HIC1: variants seen among roughly 807,000 people sequenced by gnomAD.
HIC1 encodes HIC ZBTB transcriptional repressor 1.
A neutral mutation model predicts 26.4 loss-of-function variants in HIC1; 9 were observed. That is an observed-to-expected ratio of 0.34 (90% CI 0.21 to 0.59). The LOEUF (loss-of-function observed/expected upper bound fraction) is 0.59. HIC1 is among the 20% of genes least tolerant of loss of function. The probability of loss-of-function intolerance (pLI) is 0.82; values close to 1 mark genes in which losing one functional copy is unlikely to be tolerated. For missense variants in HIC1, 965 were observed against 1,075.7 expected (o/e 0.90, Z 1.44); for synonymous variants, 631 against 523.1 (o/e 1.21, Z -2.81).
At position 2,058,956 on chromosome 17, in the gene HIC1, C is replaced by A; in HGVS notation, c.*121C>A. 1.1e-6 allele frequency: 1 copy of A among 905,212 alleles called. No homozygotes were observed. The highest frequency in any genetic ancestry group is 1.5e-6 in the Non-Finnish European group (1 of 645,240). 56.1% of individuals were successfully genotyped at this position (905,212 alleles called of 1,614,324 possible). On this transcript the variant is annotated 3_prime_UTR_variant, in exon 2 of 2. Transcript: ENST00000619757. ...GACAACCGCAGCGTCGCCACAGTGG[C>A]GGCTCCACCTCTCGGCGGCCTCACC...
rs757352188 is a variant in HIC1, at chr17:2,057,281, C to A, written c.591C>A (p.Ala197=). The A allele has an allele frequency of 1.4e-6, 2 of 1,481,006 alleles. No homozygotes were observed. The highest frequency in any genetic ancestry group is 2.9e-5 in the East Asian group (1 of 34,196). The allele number at this position is 1,481,006 out of a possible 1,614,324, so 91.7% of individuals were successfully genotyped here. ...AGGCCGCGGTCAACACGCACTGCGC[C>A]GAGCTGTACGCGTCGGGACCCGGCC... ...GPEAAVNTHC[A]ELYASGPGPA... is the part of the protein sequence containing the mutation. The change falls in exon 2 of 2, where the codon GCC becomes GCA. Residue 197 remains alanine (A), a synonymous_variant. Transcript: ENST00000619757.
chr17:2,058,093 G>A lies in HIC1; in HGVS notation c.1403G>A (p.Gly468Glu), dbSNP rs2151369693. Residue 468 changes from glycine (G) to glutamate (E), a missense_variant, in exon 2 of 2, where the codon GGA (glycine) becomes GAA (glutamate). By Grantham distance (98) the Gly-to-Glu change is moderately conservative. Transcript: ENST00000619757. ...GCCGCCGGCCTAGGGCCCCCTTTTG[G>A]AGGCGGCGGGGACAAGGTCGCCGGG... is the stretch of plus-strand genomic sequence containing the variant. Reference protein sequence around the residue: ...AGAAGLGPPFGGGGDKVAGAP... With the variant: ...AGAAGLGPPFEGGGDKVAGAP... 1 of 1,590,996 alleles carries A rather than the reference G, an allele frequency of 6.3e-7. No homozygotes were observed. The highest frequency in any genetic ancestry group is 8.5e-7 in the Non-Finnish European group (1 of 1,171,838).
chr17:2,056,630 G>T (rs1327386679), intron 1 of HIC1, 41 bp from the exon 2 acceptor site: 3 of 1,480,162 alleles, frequency 2.0e-6, no homozygotes, highest in East Asian at 2.5e-5. Flanking sequence ...GGCGGCCAGG[G>T]CGCCGCACGG....
Position 2,059,079 on chromosome 17 carries a change from T to G in HIC1, c.*244T>G. ...GAAATTTATATTTTTGATATCAGCT[T>G]TGACCAAAGGAGACCCCAGGCCCCT... On this transcript the variant is annotated 3_prime_UTR_variant, in exon 2 of 2. Coordinates refer to ENST00000619757, the MANE Select transcript of HIC1 (RefSeq NM_006497.4). 2.2e-6 allele frequency: 1 copy of G among 452,036 alleles called. No homozygotes were observed. Among genetic ancestry groups the G allele is most frequent in the Non-Finnish European group, 4.0e-6 (1 of 250,758 alleles). The allele number at this position is 452,036 out of a possible 1,614,324, so 28.0% of individuals were successfully genotyped here. A position where few individuals can be genotyped will look rare whatever the true frequency, so the allele number is the denominator to read the frequency against.
Position 2,061,351 on chromosome 17 carries a change from C to T in HIC1, c.*2516C>T. 3 of 826,346 alleles carry T rather than the reference C, an allele frequency of 3.6e-6. No individual in the cohort carries two copies. The highest frequency in any genetic ancestry group is 5.6e-6 in the Non-Finnish European group (3 of 538,032). The allele number at this position is 826,346 out of a possible 1,614,324, so 51.2% of individuals were successfully genotyped here. A position where few individuals can be genotyped will look rare whatever the true frequency, so the allele number is the denominator to read the frequency against. ...GAGGAGCAGGTCCCCCACAGCATGG[C>T]CGTGGCGTGGGTTGGAAGAGGATGG... On this transcript the variant is annotated 3_prime_UTR_variant, in exon 2 of 2. Transcript: ENST00000619757.
rs1277944622 is a variant in HIC1, at chr17:2,062,540, T to C, written c.*3705T>C. The C allele has an allele frequency of 6.6e-6, 1 of 151,970 alleles. No individual in the cohort carries two copies. Among genetic ancestry groups the C allele is most frequent in the Non-Finnish European group, 1.5e-5 (1 of 67,998 alleles). 9.4% of individuals were successfully genotyped at this position (151,970 alleles called of 1,614,324 possible). A position where few individuals can be genotyped will look rare whatever the true frequency, so the allele number is the denominator to read the frequency against. On this transcript the variant is annotated 3_prime_UTR_variant, in exon 2 of 2. Transcript: ENST00000619757. ...AAGCACAGTCTCTCCACTACCTCTC[T>C]TTCCCTAACTCCCTAATCTTTAACA...
At chr17:2,056,637 A>C in intron 1 of HIC1, 34 bp from the exon 2 acceptor site, 1 of 1,490,158 alleles carries the variant, frequency 6.7e-7, no homozygotes, top group Non-Finnish European at 8.9e-7. Context: ...AGGGCGCCGC[A>C]CGGCTCTCAC....
In HIC1 at chr17:2,055,265, G is replaced by A. The variant is rs891122703; in HGVS notation, c.-21+27G>A. 1 of 152,158 alleles carries A rather than the reference G, an allele frequency of 6.6e-6. No individual in the cohort carries two copies. The highest frequency in any genetic ancestry group is 2.4e-5 in the African/African-American group (1 of 41,452). The allele number at this position is 152,158 out of a possible 1,614,324, so 9.4% of individuals were successfully genotyped here. On this transcript the variant is annotated intron_variant, in intron 1 of 1. Coordinates refer to ENST00000619757, the MANE Select transcript of HIC1 (RefSeq NM_006497.4). This position sits in a 1 kb window ranked among gnomAD's most constrained non-coding sequence, Gnocchi z 6.4. ...TGGGTCCTCGAGCCGGGGACCGGGA[G>A]GGACGGGGGACCCGGGACAGCCCGG...
Position 2,056,732 on chromosome 17 carries a change from G to A in HIC1, c.42G>A (p.Leu14=). 6.2e-7 allele frequency: 1 copy of A among 1,610,480 alleles called. No individual in the cohort carries two copies. The highest frequency in any genetic ancestry group is 8.5e-7 in the Non-Finnish European group (1 of 1,178,530). The change falls in exon 2 of 2, where the codon CTG becomes CTA. Residue 14 remains leucine, a synonymous_variant. Coordinates refer to ENST00000619757, the MANE Select transcript of HIC1 (RefSeq NM_006497.4). ...AGGCGCCCGGCCACTCCAGGCAGCT[G>A]CTGCTGCAGCTCAACAACCAGCGCA... ...TMEAPGHSRQ[L]LLQLNNQRTK... is the part of the protein sequence containing the mutation.
chr17:2,058,548 G>C lies in HIC1; in HGVS notation c.1858G>C (p.Gly620Arg). 2 of 1,530,708 alleles carry C rather than the reference G, an allele frequency of 1.3e-6. No homozygotes were observed. Among genetic ancestry groups the C allele is most frequent in the Non-Finnish European group, 1.7e-6 (2 of 1,146,120 alleles). The allele number at this position is 1,530,708 out of a possible 1,614,324, so 94.8% of individuals were successfully genotyped here. The change falls in exon 2 of 2, where the codon GGC becomes CGC. Residue 620 changes from glycine (G) to arginine (R), a missense_variant. Transcript: ENST00000619757. ...GGLPGVPGPD[G>R]KGKLDFPEGV... ...GCTCCCCGGCGTCCCCGGCCCCGAC[G>C]GCAAGGGCAAGCTCGACTTCCCCGA...
rs1208878873 is a variant in HIC1, at chr17:2,057,687, C to G, written c.997C>G (p.Pro333Ala). ...GDELGRERGS[P>A]SERCEERGGD... ...CGAGCTGGGCCGGGAGCGCGGCTCC[C>G]CCAGCGAGCGCTGCGAAGAGCGTGG... The change falls in exon 2 of 2, where the codon CCC (proline) becomes GCC (alanine). Residue 333 changes from proline (P) to alanine (A), a missense_variant. Physicochemically the swap from Pro to Ala is conservative, Grantham distance 27. Transcript: ENST00000619757. 8.0e-6 allele frequency: 12 copies of G among 1,491,320 alleles called. No individual in the cohort carries two copies. Among genetic ancestry groups the G allele is most frequent in the Non-Finnish European group, 1.1e-5 (12 of 1,127,368 alleles). 92.4% of individuals were successfully genotyped at this position (1,491,320 alleles called of 1,614,324 possible).
intron 1 of HIC1, chr17:2,056,339 TA>T: frequency 1.9e-6 from 3 of 1,613,294 alleles, no homozygotes; most frequent in Non-Finnish European, 2.5e-6. Flanking sequence ...ACATTTTACT[TA>T]AATCGGGTAA....
At position 2,061,943 on chromosome 17, in the gene HIC1, T is replaced by G; in HGVS notation, c.*3108T>G. 4.3e-6 allele frequency: 1 copy of G among 233,014 alleles called. No individual in the cohort carries two copies. Among genetic ancestry groups the G allele is most frequent in the Non-Finnish European group, 8.6e-6 (1 of 115,750 alleles). 14.4% of individuals were successfully genotyped at this position (233,014 alleles called of 1,614,324 possible). A position where few individuals can be genotyped will look rare whatever the true frequency, so the allele number is the denominator to read the frequency against. On this transcript the variant is annotated 3_prime_UTR_variant, in exon 2 of 2. Transcript: ENST00000619757. The stretch of plus-strand genomic sequence containing the variant: ...GGAATAGAAGCAGCCCCTTGACCTC[T>G]ACTCCTTTTTACCACATGGCTGGCC...
chr17:2,055,618 G>A lies in HIC1; in HGVS notation c.-21+380G>A, dbSNP rs143666695. Among the ~76,000 whole-genome samples, 3,179 of 150,916 alleles carry A rather than the reference G, an allele frequency of 0.021. 63 individuals carry two copies. Among genetic ancestry groups the A allele is most frequent in the South Asian group, 0.08 (385 of 4,796 alleles). ...GCGGGGAGGGGAGCCCGGCCCGCCGGGACCGCAGGTAACGGGCCGCGGGGC... is the reference window on the plus strand; with the variant it reads ...GCGGGGAGGGGAGCCCGGCCCGCCGAGACCGCAGGTAACGGGCCGCGGGGC... On this transcript the variant is annotated intron_variant, in intron 1 of 1. Transcript: ENST00000619757. This position sits in a 1 kb window ranked among gnomAD's most constrained non-coding sequence, Gnocchi z 6.4.
chr17:2,063,228 A>G lies in HIC1; in HGVS notation c.*4393A>G, dbSNP rs2067836757. 6.6e-6 allele frequency: 1 copy of G among 152,252 alleles called. No homozygotes were observed. The highest frequency in any genetic ancestry group is 1.5e-5 in the Non-Finnish European group (1 of 68,046). 9.4% of individuals were successfully genotyped at this position (152,252 alleles called of 1,614,324 possible). A position where few individuals can be genotyped will look rare whatever the true frequency, so the allele number is the denominator to read the frequency against. On this transcript the variant is annotated 3_prime_UTR_variant, in exon 2 of 2. Transcript: ENST00000619757. ...TACTTTGACATTTTTCACAATAAAC[A>G]TCCTCTGTTTTGACACTGGTAACTT...
chr17:2,061,420 T>C lies in HIC1; in HGVS notation c.*2585T>C. 6.9e-7 allele frequency: 1 copy of C among 1,453,344 alleles called. No homozygotes were observed. Among genetic ancestry groups the C allele is most frequent in the Non-Finnish European group, 9.2e-7 (1 of 1,081,924 alleles). 90.0% of individuals were successfully genotyped at this position (1,453,344 alleles called of 1,614,324 possible). A position where few individuals can be genotyped will look rare whatever the true frequency, so the allele number is the denominator to read the frequency against. The stretch of plus-strand genomic sequence containing the variant: ...TGGTGGCTCAGGCACGTGGGCATCT[T>C]CCGTGCTACACTGGGCGCCTGGTGG... On this transcript the variant is annotated 3_prime_UTR_variant, in exon 2 of 2. Coordinates refer to ENST00000619757, the MANE Select transcript of HIC1 (RefSeq NM_006497.4).
intron 1 of HIC1, chr17:2,056,345 G>A (rs2067672420): frequency 1.2e-6 from 2 of 1,613,230 alleles, no homozygotes; most frequent in Non-Finnish European, 1.7e-6. Context: ...TACTTAAATC[G>A]GGTAACTGTC....
rs2067822640 is a variant in HIC1, at chr17:2,062,824, G to A, written c.*3989G>A. The A allele has an allele frequency of 6.6e-6, 1 of 152,378 alleles. No homozygotes were observed. 9.4% of individuals were successfully genotyped at this position (152,378 alleles called of 1,614,324 possible). A position where few individuals can be genotyped will look rare whatever the true frequency, so the allele number is the denominator to read the frequency against. ...CTTGCCAGCTCCAGGCAGGGAGGCT[G>A]AGAACTGGCTTTCAGCCTGGGGAGG... On this transcript the variant is annotated 3_prime_UTR_variant, in exon 2 of 2. Transcript: ENST00000619757.
rs568742114 is a variant in HIC1 at position 2,055,433 on chromosome 17, G to T, written c.-21+195G>T. Among the ~76,000 whole-genome samples, 745 of 151,386 alleles carry T rather than the reference G, an allele frequency of 4.9e-3. 3 individuals carry two copies. Among genetic ancestry groups the T allele is most frequent in the Middle Eastern group, 0.01 (3 of 290 alleles). On this transcript the variant is annotated intron_variant, in intron 1 of 1. Transcript: ENST00000619757. This position sits in a 1 kb window ranked among gnomAD's most constrained non-coding sequence, Gnocchi z 6.4. ...GGCTCCGCGCCGGGTTCACGGCGGG[G>T]TCAGCGGCCCGGGGCCGGCTCTGCC...
Sources: gnomAD v4.1 joint callset for allele counts (sites outside exome capture counted in the v4.1 genomes callset) on GRCh38, gnomAD v4.1.1 for gene constraint, Gnocchi (gnomAD v3.1) non-coding constraint, MANE v1.5 for transcripts, NCBI Gene and HGNC (gene_info 2026-07-23, HGNC 2026-07-21) for gene names.